ASB3: variants seen among roughly 807,000 people sequenced by gnomAD.
The protein encoded by ASB3 is ankyrin repeat and SOCS box protein 3.
Under a neutral mutation model 54.5 loss-of-function variants are expected in ASB3, and 41 were observed. The ratio of observed to expected loss-of-function variants is 0.75; its 90% CI spans 0.59 to 0.98. ASB3 has a LOEUF of 0.98. ASB3 is among the 50% of genes least tolerant of loss of function. The pLI, the probability that ASB3 is intolerant of heterozygous loss-of-function variation, is 0.00. For synonymous variants in ASB3, 266 were observed against 221.2 expected, an observed-to-expected ratio of 1.20 and a Z score of -1.80; for missense variants, 733 against 620.0, an observed-to-expected ratio of 1.18 and a Z score of -1.94.
At chr2:53,781,426 A>C (rs1350178035) in intron 1 of ASB3, among the ~76,000 whole-genome samples, 2 of 152,154 alleles carry the variant, frequency 1.3e-5, no homozygotes, top group Non-Finnish European at 2.9e-5. Context: ...AAAAAAAAAA[A>C]AAGTGAGAGA....
At chr2:53,683,495 C>T (rs567640676) in intron 9 of ASB3, among the ~76,000 whole-genome samples, 4 of 151,950 alleles carry the variant, frequency 2.6e-5, no homozygotes, top group South Asian at 2.1e-4. Flanking sequence ...TGGCCTCATA[C>T]AGTACATTTG....
intron 8 of ASB3, among the ~76,000 whole-genome samples, chr2:53,695,024 A>G (rs1442148324): frequency 6.6e-6 from 1 of 152,062 alleles, no homozygotes; most frequent in Admixed American, 6.6e-5. Flanking sequence ...CCCCCCTACC[A>G]TCACAATGGT....
chr2:53,719,250 A>G (rs1248487352), intron 5 of ASB3, among the ~76,000 whole-genome samples: 1 of 152,180 alleles, frequency 6.6e-6, no homozygotes, highest in African/African-American at 2.4e-5. Flanking sequence ...TATCAGATAA[A>G]ACAGACTTTA....
At chr2:53,769,035 CT>C (rs1464865335) in intron 1 of ASB3, among the ~76,000 whole-genome samples, 1 of 152,200 alleles carries the variant, frequency 6.6e-6, no homozygotes, top group East Asian at 1.9e-4. Context: ...AAGAACTTGG[CT>C]TTTAAGTAGA....
chr2:53,765,336 C>G, intron 2 of ASB3, 41 bp downstream of exon 2: 1 of 1,611,236 alleles, frequency 6.2e-7, no homozygotes, highest in Non-Finnish European at 8.5e-7. Flanking sequence ...TTTATTAATC[C>G]AGCTTGTAGG....
intron 3 of ASB3, among the ~76,000 whole-genome samples, chr2:53,744,048 A>C (rs1018131310): frequency 2.2e-4 from 33 of 151,704 alleles, no homozygotes; most frequent in Admixed American, 2.2e-3. Flanking sequence ...GTCTCAAAAA[A>C]AAAAAAAAAA....
intron 2 of ASB3, among the ~76,000 whole-genome samples, chr2:53,760,743 G>A (rs753222858): frequency 1.3e-5 from 2 of 152,206 alleles, no homozygotes; most frequent in Non-Finnish European, 2.9e-5. Context: ...CTATCAAGCA[G>A]ATAGTCAGGA....
intron 5 of ASB3, among the ~76,000 whole-genome samples, chr2:53,723,833 TAG>T (rs1404813283): frequency 6.6e-6 from 1 of 152,094 alleles, no homozygotes; most frequent in East Asian, 1.9e-4. Flanking sequence ...AGCAATGAGT[TAG>T]AGACTCCTTA....
chr2:53,724,706 C>T (rs546059802), intron 5 of ASB3, among the ~76,000 whole-genome samples: 4 of 152,056 alleles, frequency 2.6e-5, no homozygotes, highest in Non-Finnish European at 5.9e-5. Flanking sequence ...CCAATCACCA[C>T]AGAAATGCAA....
chr2:53,776,373 C>T (rs147080419), intron 1 of ASB3, among the ~76,000 whole-genome samples: 35 of 152,274 alleles, frequency 2.3e-4, no homozygotes, highest in African/African-American at 8.4e-4. Flanking sequence ...GATAAATGTG[C>T]TTTAAAATTC....
chr2:53,768,197 A>T, intron 1 of ASB3: 1 of 717,194 alleles, frequency 1.4e-6, no homozygotes, highest in Non-Finnish European at 2.2e-6. Context: ...TCTCTAACCC[A>T]GCCCGGGCAC....
At position 53,765,582 on chromosome 2, in the gene ASB3, CA is replaced by C. The variant is rs1558568673; in HGVS notation, c.-11del. ...CCTCTGTAAAATCCATTTGTTTGACCAGTCTACAAAACAAGGTAGAAGGATA... is the reference window on the plus strand; with the variant it reads ...CCTCTGTAAAATCCATTTGTTTGACCGTCTACAAAACAAGGTAGAAGGATA... On this transcript the variant is annotated splice_region_variant and 5_prime_UTR_variant, in exon 2 of 10. Transcript: ENST00000263634. The C allele has an allele frequency of 2.5e-6, 4 of 1,614,020 alleles. No individual in the cohort carries two copies.
In ASB3 at chr2:53,670,411, C is replaced by G; in HGVS notation, c.*92G>C. ...CTCACAATCAATAATCATCTTTTGACTATAAAATCATAAAAACTTGTACTC... is the reference window on the plus strand; with the variant it reads ...CTCACAATCAATAATCATCTTTTGAGTATAAAATCATAAAAACTTGTACTC... On this transcript the variant is annotated 3_prime_UTR_variant, in exon 10 of 10. Coordinates refer to ENST00000263634, the MANE Select transcript of ASB3 (RefSeq NM_016115.5). 2 of 1,304,228 alleles carry G rather than the reference C, an allele frequency of 1.5e-6. No homozygotes were observed. The highest frequency in any genetic ancestry group is 2.0e-6 in the Non-Finnish European group (2 of 989,114). The allele number at this position is 1,304,228 out of a possible 1,614,324, so 80.8% of individuals were successfully genotyped here. A position where few individuals can be genotyped will look rare whatever the true frequency, so the allele number is the denominator to read the frequency against.
At chr2:53,758,505 G>A (rs1292630720) in intron 2 of ASB3, among the ~76,000 whole-genome samples, 3 of 152,214 alleles carry the variant, frequency 2.0e-5, no homozygotes, top group Admixed American at 2.0e-4. Context: ...TGATGGGGCA[G>A]CTGGGTTGTT....
chr2:53,777,025 C>G (rs1297565154), intron 1 of ASB3, among the ~76,000 whole-genome samples: 1 of 152,024 alleles, frequency 6.6e-6, no homozygotes, highest in Non-Finnish European at 1.5e-5. Flanking sequence ...GTTCATTTTA[C>G]CTTTCTAAAA....
intron 2 of ASB3, chr2:53,763,477 C>T (rs1349773344): frequency 5.9e-6 from 1 of 169,300 alleles, no homozygotes; most frequent in Non-Finnish European, 1.5e-5. Context: ...ATACAGACGG[C>T]TGACCTTTTG....
chr2:53,751,883 G>C (rs1025044135), intron 2 of ASB3, among the ~76,000 whole-genome samples: 1 of 151,598 alleles, frequency 6.6e-6, no homozygotes, highest in Non-Finnish European at 1.5e-5. Context: ...GGGCAAGATA[G>C]AGTAGTCATA....
At chr2:53,740,112 C>A (rs1671851248) in intron 3 of ASB3, among the ~76,000 whole-genome samples, 1 of 152,156 alleles carries the variant, frequency 6.6e-6, no homozygotes, top group Non-Finnish European at 1.5e-5. Context: ...ATGCAGAAAT[C>A]ATCTATATAT....
At chr2:53,682,388 T>G in intron 9 of ASB3, among the ~76,000 whole-genome samples, 1 of 152,200 alleles carries the variant, frequency 6.6e-6, no homozygotes, top group East Asian at 1.9e-4. Context: ...GATCTCTCAC[T>G]TCTTTGGTCA....
Sources: gnomAD v4.1 joint callset for allele counts (sites outside exome capture counted in the v4.1 genomes callset) on GRCh38, gnomAD v4.1.1 for gene constraint, MANE v1.5 for transcripts, NCBI Gene and HGNC (gene_info 2026-07-23, HGNC 2026-07-21) for gene names.